Variants in PLSCR4 observed in about 807,000 individuals in gnomAD.
The protein encoded by PLSCR4 is phospholipid scramblase 4, also known as Ca(2+)-dependent phospholipid scramblase 4.
In PLSCR4, 25 loss-of-function variants were observed where a neutral mutation model predicts 36.3. The ratio of observed to expected loss-of-function variants is 0.69; its 90% CI spans 0.50 to 0.96. The LOEUF is 0.96. PLSCR4 is among the 40% of genes least tolerant of loss of function. PLSCR4 has a pLI of 0.00. For synonymous variants in PLSCR4, 122 were observed against 132.9 expected, an observed-to-expected ratio of 0.92 and a Z score of 0.56; for missense variants, 408 against 414.7, an observed-to-expected ratio of 0.98 and a Z score of 0.14.
At chr3:146,242,414 G>T (rs1451210608) in intron 1 of PLSCR4, among the ~76,000 whole-genome samples, 3 of 152,074 alleles carry the variant, frequency 2.0e-5, no homozygotes, top group African/African-American at 7.2e-5. Flanking sequence ...CTGCTCTTTC[G>T]CAGCAACTGG....
chr3:146,229,868 C>T (rs1468785303), intron 1 of PLSCR4, among the ~76,000 whole-genome samples: 1 of 152,122 alleles, frequency 6.6e-6, no homozygotes, highest in Non-Finnish European at 1.5e-5. Context: ...TCGTGATCCA[C>T]CCGCCTCAGC....
intron 1 of PLSCR4, among the ~76,000 whole-genome samples, chr3:146,245,870 C>G (rs2036318062): frequency 6.6e-6 from 1 of 152,204 alleles, no homozygotes; most frequent in East Asian, 1.9e-4. Flanking sequence ...ATTATGCACA[C>G]CTTTCCAAGT....
At chr3:146,243,569 A>G (rs1030635062) in intron 1 of PLSCR4, among the ~76,000 whole-genome samples, 3 of 152,188 alleles carry the variant, frequency 2.0e-5, no homozygotes, top group South Asian at 2.1e-4. Flanking sequence ...CAGCACCAAC[A>G]TGATGTCACA....
chr3:146,236,524 GGT>G (rs1215326700), intron 1 of PLSCR4, among the ~76,000 whole-genome samples: 1 of 152,086 alleles, frequency 6.6e-6, no homozygotes, highest in Non-Finnish European at 1.5e-5. Context: ...CGTGGGGGCA[GGT>G]CTTTTCTGTG....
chr3:146,228,991 TA>T (rs893803972), intron 1 of PLSCR4, among the ~76,000 whole-genome samples: 29 of 152,202 alleles, frequency 1.9e-4, no homozygotes, highest in African/African-American at 6.8e-4. Context: ...CACCTTGCTT[TA>T]AAAAGAGGTA....
At position 146,193,389 on chromosome 3, in the gene PLSCR4, A is replaced by C. The variant is rs1456185025; in HGVS notation, c.*1022T>G. The C allele has an allele frequency of 1.3e-5, 2 of 152,186 alleles. No homozygotes were observed. The highest frequency in any genetic ancestry group is 2.9e-5 in the Non-Finnish European group (2 of 68,032). The allele number at this position is 152,186 out of a possible 1,614,324, so 9.4% of individuals were successfully genotyped here. A position where few individuals can be genotyped will look rare whatever the true frequency, so the allele number is the denominator to read the frequency against. ...AAATGTCATATTTCCAAATTTAAAA[A>C]CATAACTCCAGTTCTTACCATGAGA... On this transcript the variant is annotated 3_prime_UTR_variant, in exon 9 of 9. Coordinates refer to ENST00000354952, the MANE Select transcript of PLSCR4 (RefSeq NM_020353.3).
At chr3:146,245,497 T>C (rs917394844) in intron 1 of PLSCR4, among the ~76,000 whole-genome samples, 4 of 152,104 alleles carry the variant, frequency 2.6e-5, no homozygotes, top group African/African-American at 9.6e-5. Context: ...ACGAAAATAG[T>C]AGTGATTGTA....
At chr3:146,205,443 C>A (rs912535227) in intron 4 of PLSCR4, among the ~76,000 whole-genome samples, 1 of 151,980 alleles carries the variant, frequency 6.6e-6, no homozygotes, top group Non-Finnish European at 1.5e-5. Flanking sequence ...GAAAGGAAGA[C>A]CTTATGGCCT....
intron 3 of PLSCR4, among the ~76,000 whole-genome samples, chr3:146,209,053 T>C (rs187092388): frequency 6.6e-6 from 1 of 152,032 alleles, no homozygotes; most frequent in Admixed American, 6.6e-5. Flanking sequence ...GGATTACATA[T>C]ATATATGATG....
chr3:146,230,496 G>A (rs553928099), intron 1 of PLSCR4, among the ~76,000 whole-genome samples: 2 of 152,276 alleles, frequency 1.3e-5, no homozygotes, highest in African/African-American at 4.8e-5. Context: ...CTCAAGGGGA[G>A]ATCATATTTA....
intron 4 of PLSCR4, among the ~76,000 whole-genome samples, chr3:146,201,340 C>T (rs567796836): frequency 6.6e-6 from 1 of 152,018 alleles, no homozygotes; most frequent in East Asian, 1.9e-4. Flanking sequence ...ATCAGAAAAA[C>T]AAAACATCTA....
rs2033457134 is a variant in PLSCR4, at chr3:146,192,672, T to A, written c.*1739A>T. ...GCAAGTTAAAAATAAAAAGTTTATA[T>A]GCTTAAACTTTCTGAATATTGTTTG... On this transcript the variant is annotated 3_prime_UTR_variant, in exon 9 of 9. Transcript: ENST00000354952. 6.6e-6 allele frequency: 1 copy of A among 152,022 alleles called. No homozygotes were observed. The highest frequency in any genetic ancestry group is 2.4e-5 in the African/African-American group (1 of 41,444). 9.4% of individuals were successfully genotyped at this position (152,022 alleles called of 1,614,324 possible).
At chr3:146,199,373 T>G (rs1341845383) in intron 6 of PLSCR4, among the ~76,000 whole-genome samples, 1 of 152,144 alleles carries the variant, frequency 6.6e-6, no homozygotes, top group African/African-American at 2.4e-5. Context: ...AGCCATTTAG[T>G]AATTTTGAGC....
intron 1 of PLSCR4, among the ~76,000 whole-genome samples, chr3:146,229,982 T>A (rs2108317733): frequency 6.6e-6 from 1 of 152,250 alleles, no homozygotes; most frequent in Admixed American, 6.5e-5. Flanking sequence ...TTGAGTTCTG[T>A]GAGTCATTCT....
Position 146,226,008 on chromosome 3 carries a change from T to A in PLSCR4, c.-21-3916A>T, listed in dbSNP as rs577956060. Among the ~76,000 whole-genome samples, 10 of 152,328 alleles carry A rather than the reference T, an allele frequency of 6.6e-5. No individual in the cohort carries two copies. The South Asian group carries it at 2.1e-3, about 32-fold the overall frequency. The stretch of plus-strand genomic sequence containing the variant: ...CGCAGTATGATTCCACGTAAGAATG[T>A]TCAGTAGCAGGAATTCTAAACAAAA... On this transcript the variant is annotated intron_variant, in intron 1 of 8. Coordinates refer to ENST00000354952, the MANE Select transcript of PLSCR4 (RefSeq NM_020353.3).
In PLSCR4 at chr3:146,229,263, A is replaced by C. The variant is rs77827341; in HGVS notation, c.-21-7171T>G. On this transcript the variant is annotated intron_variant, in intron 1 of 8. Transcript: ENST00000354952. ...AGGTGGCAACATAATAGGGAGGCCG[A>C]TCATGCCAGAAAGAATCATGATGTG... 8.6e-3 allele frequency among the ~76,000 whole-genome samples: 1,310 copies of C among 152,276 alleles called. 11 individuals carry two copies. Among genetic ancestry groups the C allele is most frequent in the South Asian group, 0.021 (101 of 4,810 alleles).
At position 146,194,281 on chromosome 3, in the gene PLSCR4, G is replaced by A; in HGVS notation, c.*130C>T. ...TGCAAGCCCACTCTCAGCTGTCAAA[G>A]TTAACACCCAATAAAAATACTCTAC... On this transcript the variant is annotated 3_prime_UTR_variant, in exon 9 of 9. Transcript: ENST00000354952. The A allele has an allele frequency of 4.4e-6, 3 of 685,124 alleles. No individual in the cohort carries two copies. The highest frequency in any genetic ancestry group is 7.9e-6 in the Non-Finnish European group (3 of 381,736). The allele number at this position is 685,124 out of a possible 1,614,324, so 42.4% of individuals were successfully genotyped here.
intron 3 of PLSCR4, among the ~76,000 whole-genome samples, chr3:146,217,491 G>C (rs1290332776): frequency 1.3e-5 from 2 of 152,214 alleles, no homozygotes; most frequent in Non-Finnish European, 2.9e-5. Context: ...GGAAAGTAAA[G>C]TGATTCATTT....
chr3:146,242,100 C>T (rs779294137), intron 1 of PLSCR4, among the ~76,000 whole-genome samples: 1 of 152,172 alleles, frequency 6.6e-6, no homozygotes, highest in Non-Finnish European at 1.5e-5. Flanking sequence ...TGCCTCATCA[C>T]ACCATGACCA....
Sources: allele counts gnomAD v4.1 joint callset (sites outside exome capture counted in the v4.1 genomes callset), GRCh38; gene constraint gnomAD v4.1.1; transcripts MANE v1.5; gene names NCBI Gene and HGNC (gene_info 2026-07-23, HGNC 2026-07-21).